The following FHIT variants were observed in gnomAD, a reference collection of about 807,000 sequenced individuals.
FHIT encodes the protein fragile histidine triad diadenosine triphosphatase.
Under a neutral mutation model 17.9 loss-of-function variants are expected in FHIT, and 19 were observed. The ratio of observed to expected loss-of-function variants is 1.06; its 90% CI spans 0.74 to 1.56. The LOEUF (loss-of-function observed/expected upper bound fraction) is 1.56, where lower values mean the gene tolerates loss of function less well. FHIT is among the 40% of genes most tolerant of loss of function. The pLI is 0.00. For synonymous variants in FHIT, 81 were observed against 69.7 expected (o/e 1.16, Z -0.81); for missense variants, 248 against 189.2 (o/e 1.31, Z -1.82).
intron 4 of FHIT, among the ~76,000 whole-genome samples, chr3:60,644,597 T>G (rs2039809916): frequency 6.6e-6 from 1 of 152,344 alleles, no homozygotes; most frequent in African/African-American, 2.4e-5. Flanking sequence ...AACATTTTAC[T>G]CTCCTTGCCC....
intron 5 of FHIT, among the ~76,000 whole-genome samples, chr3:60,180,839 A>T (rs1271232190): frequency 6.6e-6 from 1 of 152,204 alleles, no homozygotes; most frequent in Non-Finnish European, 1.5e-5. Context: ...GGATTGCAAG[A>T]TTAAAGAATC....
At chr3:60,068,789 G>GAA (rs776161343) in intron 5 of FHIT, among the ~76,000 whole-genome samples, 8 of 152,080 alleles carry the variant, frequency 5.3e-5, no homozygotes, top group Non-Finnish European at 1.2e-4. Flanking sequence ...AGGCAAAGAA[G>GAA]AAACAAGGCA....
At chr3:60,744,263 CAAAACAA>C (rs1363907011) in intron 4 of FHIT, among the ~76,000 whole-genome samples, 20,679 of 85,688 alleles carry the variant, frequency 0.24, 2,095 homozygotes, top group African/African-American at 0.33. Context: ...AAAAACAAAA[CAAAACAA>C]AAAAAAAAAA....
chr3:60,900,112 TG>T (rs1559812566), intron 3 of FHIT, among the ~76,000 whole-genome samples: 3 of 152,262 alleles, frequency 2.0e-5, no homozygotes, highest in Non-Finnish European at 4.4e-5. Flanking sequence ...AAATACTTTG[TG>T]AGGTCAGAAA....
At chr3:59,793,996 C>T (rs992366578) in intron 8 of FHIT, among the ~76,000 whole-genome samples, 4 of 151,948 alleles carry the variant, frequency 2.6e-5, no homozygotes, top group South Asian at 2.1e-4. Context: ...TGGGACACGG[C>T]GTGAGAATCC....
At chr3:61,237,488 T>C (rs903890574) in intron 1 of FHIT, among the ~76,000 whole-genome samples, 4 of 152,220 alleles carry the variant, frequency 2.6e-5, no homozygotes, top group African/African-American at 9.6e-5. Context: ...CCAGAACTGA[T>C]GATTTCTACA....
At chr3:60,449,995 C>G (rs1227733325) in intron 5 of FHIT, among the ~76,000 whole-genome samples, 2 of 86,822 alleles carry the variant, frequency 2.3e-5, no homozygotes, top group African/African-American at 1.3e-4. Flanking sequence ...GAGCTAGACT[C>G]TGTCAAAAAA....
At chr3:60,157,136 T>C (rs1700736601) in intron 5 of FHIT, among the ~76,000 whole-genome samples, 1 of 152,318 alleles carries the variant, frequency 6.6e-6, no homozygotes, top group South Asian at 2.1e-4. Flanking sequence ...GTGCACATGA[T>C]GTAATAATGG....
At chr3:60,937,140 A>G (rs1553773291) in intron 3 of FHIT, among the ~76,000 whole-genome samples, 5 of 152,206 alleles carry the variant, frequency 3.3e-5, no homozygotes, top group Admixed American at 2.6e-4. Context: ...TGTGTCTTCA[A>G]TGAAGATTTT....
chr3:60,329,845 G>A (rs562105612), intron 5 of FHIT, among the ~76,000 whole-genome samples: 6 of 152,268 alleles, frequency 3.9e-5, no homozygotes, highest in Admixed American at 6.5e-5. Context: ...GTGGCTACTA[G>A]TGAACAATTT....
intron 3 of FHIT, among the ~76,000 whole-genome samples, chr3:60,824,267 C>G (rs188416655): frequency 2.0e-5 from 3 of 152,074 alleles, no homozygotes; most frequent in African/African-American, 7.2e-5. Context: ...CAGTCCTATG[C>G]GAAATATTTT....
chr3:60,404,179 C>G (rs541017275), intron 5 of FHIT, among the ~76,000 whole-genome samples: 1 of 152,028 alleles, frequency 6.6e-6, no homozygotes, highest in Non-Finnish European at 1.5e-5. Context: ...ACTTTTTTTG[C>G]GTCATTCTTT....
chr3:60,511,291 C>A (rs2034941566), intron 5 of FHIT, among the ~76,000 whole-genome samples: 1 of 152,138 alleles, frequency 6.6e-6, no homozygotes, highest in Non-Finnish European at 1.5e-5. Flanking sequence ...TAATTACCAC[C>A]ATTATGCCAA....
chr3:59,759,656 A>G (rs755224190), intron 8 of FHIT, among the ~76,000 whole-genome samples: 30 of 152,060 alleles, frequency 2.0e-4, no homozygotes, highest in Non-Finnish European at 3.4e-4. Flanking sequence ...ATTCTGATTG[A>G]GTCATATTTC....
chr3:60,172,035 A>G (rs976991441), intron 5 of FHIT, among the ~76,000 whole-genome samples: 2 of 152,196 alleles, frequency 1.3e-5, no homozygotes, highest in African/African-American at 4.8e-5. Context: ...ACAAAAATCC[A>G]AACAGCCCCA....
intron 5 of FHIT, among the ~76,000 whole-genome samples, chr3:60,293,182 A>G (rs368371891): frequency 1.3e-5 from 2 of 152,244 alleles, no homozygotes; most frequent in East Asian, 1.9e-4. Context: ...CATTTCTATG[A>G]GAAAGAAGAG....
chr3:60,122,098 G>C (rs933881745), intron 5 of FHIT, among the ~76,000 whole-genome samples: 1 of 147,676 alleles, frequency 6.8e-6, no homozygotes, highest in Non-Finnish European at 1.5e-5. Context: ...TTCTTCAGAA[G>C]AGAAATTGCA....
At chr3:61,079,708 C>T (rs2035076924) in intron 2 of FHIT, among the ~76,000 whole-genome samples, 1 of 152,096 alleles carries the variant, frequency 6.6e-6, no homozygotes, top group Non-Finnish European at 1.5e-5. Context: ...CCTATGTATA[C>T]CAGAATTACT....
At chr3:60,187,327 C>A (rs1702199098) in intron 5 of FHIT, among the ~76,000 whole-genome samples, 1 of 152,142 alleles carries the variant, frequency 6.6e-6, no homozygotes, top group African/African-American at 2.4e-5. Flanking sequence ...ACACGTAATA[C>A]AGAATTGAAG....
Sources: gnomAD v4.1 joint callset for allele counts (sites outside exome capture counted in the v4.1 genomes callset) on GRCh38, gnomAD v4.1.1 for gene constraint, MANE v1.5 for transcripts, NCBI Gene and HGNC (gene_info 2026-07-23, HGNC 2026-07-21) for gene names.